Variants in RAB6A observed in about 807,000 individuals in gnomAD.
RAB6A encodes RAB6A, member RAS oncogene family, also known as ras-related protein Rab-6A.
Under a neutral mutation model 32.3 loss-of-function variants are expected in RAB6A, and 8 were observed. That is an observed-to-expected ratio of 0.25 (90% CI 0.15 to 0.45). RAB6A has a LOEUF of 0.45. Ranked by LOEUF, RAB6A falls within the 20% of genes least tolerant of loss-of-function variation. RAB6A has a pLI of 1.00. For synonymous variants in RAB6A, 73 were observed against 82.1 expected (o/e 0.89, Z 0.60); for missense variants, 104 against 249.4 (o/e 0.42, Z 3.93).
intron 5 of RAB6A, among the ~76,000 whole-genome samples, chr11:73,708,215 C>CTGGA (rs1308475232): frequency 1.3e-5 from 2 of 152,164 alleles, no homozygotes; most frequent in Non-Finnish European, 2.9e-5. Context: ...GTCACCCAGG[C>CTGGA]TGGAGTGCAA....
At chr11:73,758,625 T>C (rs1469691714) in intron 1 of RAB6A, among the ~76,000 whole-genome samples, 1 of 152,122 alleles carries the variant, frequency 6.6e-6, no homozygotes, top group Non-Finnish European at 1.5e-5. Flanking sequence ...CTCAAGAAAT[T>C]CAAAGGAAAC....
chr11:73,708,526 T>A (rs1177240783), intron 5 of RAB6A, among the ~76,000 whole-genome samples: 5 of 152,126 alleles, frequency 3.3e-5, no homozygotes, highest in African/African-American at 1.2e-4. Context: ...TGGTAAAGCC[T>A]CTAGATACAA....
chr11:73,753,219 T>C (rs946573194), intron 1 of RAB6A, among the ~76,000 whole-genome samples: 16 of 152,068 alleles, frequency 1.1e-4, no homozygotes, highest in African/African-American at 3.6e-4. Context: ...CCCTGTACTG[T>C]AGCCTGGGTG....
At chr11:73,743,595 C>A (rs1471667114) in intron 1 of RAB6A, among the ~76,000 whole-genome samples, 1 of 151,086 alleles carries the variant, frequency 6.6e-6, no homozygotes, top group Admixed American at 6.6e-5. Context: ...GCAGCCTGGG[C>A]AATATGGCGA....
intron 6 of RAB6A, among the ~76,000 whole-genome samples, chr11:73,696,359 A>G (rs940961092): frequency 5.3e-5 from 8 of 151,770 alleles, no homozygotes; most frequent in Non-Finnish European, 1.2e-4. Context: ...CACCACATCA[A>G]GCTAATTTTT....
intron 5 of RAB6A, among the ~76,000 whole-genome samples, chr11:73,712,283 C>T (rs1264872407): frequency 1.3e-5 from 2 of 152,048 alleles, no homozygotes; most frequent in Non-Finnish European, 2.9e-5. Flanking sequence ...TTACATAGTT[C>T]ATTTTCCCCA....
At chr11:73,730,992 A>G (rs982565505) in intron 1 of RAB6A, among the ~76,000 whole-genome samples, 169 bp from the exon 2 acceptor site, 15 of 152,244 alleles carry the variant, frequency 9.9e-5, no homozygotes, top group African/African-American at 3.4e-4. Context: ...GACTTTCTCC[A>G]AACACAGACA....
chr11:73,697,666 T>C (rs1438132315), intron 6 of RAB6A, among the ~76,000 whole-genome samples: 3 of 152,160 alleles, frequency 2.0e-5, no homozygotes, highest in Non-Finnish European at 4.4e-5. Flanking sequence ...TTTTTCTCTA[T>C]AGAATCTATA....
rs1946831576 is a variant in RAB6A, at chr11:73,760,662, C to T, written c.-27G>A. 6.3e-7 allele frequency: 1 copy of T among 1,598,736 alleles called. No homozygotes were observed. Among genetic ancestry groups the T allele is most frequent in the African/African-American group, 1.3e-5 (1 of 74,584 alleles). On this transcript the variant is annotated 5_prime_UTR_variant, in exon 1 of 8. Transcript: ENST00000336083. ...GTGGAACTAGAGGAGCGGCCGCCGC[C>T]TCAGCCTAGAGACCTCCCGGACCGA...
intron 3 of RAB6A, among the ~76,000 whole-genome samples, chr11:73,720,286 T>C (rs1946114885): frequency 6.6e-6 from 1 of 151,364 alleles, no homozygotes; most frequent in African/African-American, 2.4e-5. Flanking sequence ...ATTCAAGCGA[T>C]TCTCCTGCCT....
intron 6 of RAB6A, among the ~76,000 whole-genome samples, chr11:73,695,029 A>G (rs1186851939): frequency 6.6e-6 from 1 of 152,118 alleles, no homozygotes; most frequent in African/African-American, 2.4e-5. Context: ...AATAAAAAAA[A>G]ATTAAAAATA....
At chr11:73,693,277 G>A (rs978504429) in intron 6 of RAB6A, among the ~76,000 whole-genome samples, 1 of 150,472 alleles carries the variant, frequency 6.6e-6, no homozygotes, top group African/African-American at 2.5e-5. Flanking sequence ...GACAGAGCAA[G>A]ACTCCGTCTC....
At chr11:73,722,334 TATA>T (rs1946151768) in intron 2 of RAB6A, 2 of 9,058 alleles carry the variant, frequency 2.2e-4, no homozygotes, top group African/African-American at 7.5e-4. Context: ...TATATATATA[TATA>T]TATATATTTT....
intron 6 of RAB6A, among the ~76,000 whole-genome samples, chr11:73,687,000 A>G (rs1945468032): frequency 6.6e-6 from 1 of 151,866 alleles, no homozygotes; most frequent in Admixed American, 6.6e-5. Context: ...AATATATATT[A>G]TATATTATAC....
Position 73,708,504 on chromosome 11 carries a change from C to T in RAB6A, c.402-991G>A, listed in dbSNP as rs968738880. Among the ~76,000 whole-genome samples the T allele has an allele frequency of 2.6e-5, 4 of 152,122 alleles. No individual in the cohort carries two copies. The East Asian group carries it at 7.7e-4, about 29-fold the overall frequency. On this transcript the variant is annotated intron_variant, in intron 5 of 7. Transcript: ENST00000336083. ...ATTTCTGTAAGTGAAGTAAGTGAGTCAAAGACATGTATGGTAAAGCCTCTA... is the reference window on the plus strand; with the variant it reads ...ATTTCTGTAAGTGAAGTAAGTGAGTTAAAGACATGTATGGTAAAGCCTCTA...
At chr11:73,750,545 G>GAC (rs1433530793) in intron 1 of RAB6A, among the ~76,000 whole-genome samples, 17 of 151,962 alleles carry the variant, frequency 1.1e-4, no homozygotes, top group African/African-American at 3.9e-4. Context: ...TAGTAGATGG[G>GAC]GGGGTTTCTC....
Position 73,717,007 on chromosome 11 carries a change from A to T in RAB6A, c.290-645T>A, listed in dbSNP as rs180896728. 5.9e-5 allele frequency among the ~76,000 whole-genome samples: 9 copies of T among 151,706 alleles called. No individual in the cohort carries two copies. The East Asian group carries it at 9.6e-4, about 16-fold the overall frequency. On this transcript the variant is annotated intron_variant, in intron 4 of 7. Transcript: ENST00000336083. ...ATATTTGAATCACATTTGTGGATTTAAAAAAAAATACACCAGGTTTCACTT... is the reference window on the plus strand; with the variant it reads ...ATATTTGAATCACATTTGTGGATTTTAAAAAAAATACACCAGGTTTCACTT...
At position 73,760,226 on chromosome 11, in the gene RAB6A, G is replaced by T. The variant is rs943045346; in HGVS notation, c.70+340C>A. ...GGAATAAGGGTGGGGCTCAAGAAAGGGGGCCGGGGTACGGGCAATGACCGA... is the reference window on the plus strand; with the variant it reads ...GGAATAAGGGTGGGGCTCAAGAAAGTGGGCCGGGGTACGGGCAATGACCGA... On this transcript the variant is annotated intron_variant, in intron 1 of 7. Coordinates refer to ENST00000336083, the MANE Select transcript of RAB6A (RefSeq NM_198896.2). 23 of 791,468 alleles carry T rather than the reference G, an allele frequency of 2.9e-5. No individual in the cohort carries two copies. In the Admixed American group the frequency reaches 3.8e-4, roughly 13 times the overall value. The allele number at this position is 791,468 out of a possible 1,614,324, so 49.0% of individuals were successfully genotyped here.
intron 1 of RAB6A, among the ~76,000 whole-genome samples, chr11:73,749,244 T>C (rs1006371265): frequency 6.6e-6 from 1 of 152,114 alleles, no homozygotes; most frequent in Non-Finnish European, 1.5e-5. Context: ...CATTACTAAG[T>C]GAAGTAACTC....
Sources: allele counts gnomAD v4.1 joint callset (sites outside exome capture counted in the v4.1 genomes callset), GRCh38; gene constraint gnomAD v4.1.1; transcripts MANE v1.5; gene names NCBI Gene and HGNC (gene_info 2026-07-23, HGNC 2026-07-21).